The following PRKAA2 variants were observed in gnomAD, a reference collection of about 807,000 sequenced individuals.
PRKAA2 encodes protein kinase AMP-activated catalytic subunit alpha 2.
Under a neutral mutation model 56.3 loss-of-function variants are expected in PRKAA2, and 40 were observed. The observed-to-expected ratio is 0.71, with a 90% CI of 0.55 to 0.92. PRKAA2 has a LOEUF of 0.92. PRKAA2 is among the 40% of genes least tolerant of loss of function. The probability of loss-of-function intolerance (pLI) is 0.00; values close to 1 mark genes in which losing one functional copy is unlikely to be tolerated. For synonymous variants in PRKAA2, 214 were observed against 234.2 expected, an observed-to-expected ratio of 0.91 and a Z score of 0.79; for missense variants, 542 against 686.9, an observed-to-expected ratio of 0.79 and a Z score of 2.36.
chr1:56,708,926 A>G lies in PRKAA2; in HGVS notation c.*1213A>G, dbSNP rs534596185. On this transcript the variant is annotated 3_prime_UTR_variant, in exon 9 of 9. Transcript: ENST00000371244. The stretch of plus-strand genomic sequence containing the variant: ...TTCACACACCAGTGCTTTTAAGCAA[A>G]AACCAGTTTTTTTGTTTGTTTGTTT... The G allele has an allele frequency of 7.9e-5, 12 of 152,200 alleles. No individual in the cohort carries two copies. In the South Asian group the frequency reaches 2.5e-3, roughly 32 times the overall value. 9.4% of individuals were successfully genotyped at this position (152,200 alleles called of 1,614,324 possible). A position where few individuals can be genotyped will look rare whatever the true frequency, so the allele number is the denominator to read the frequency against.
chr1:56,652,801 G>A (rs182875822), intron 1 of PRKAA2, among the ~76,000 whole-genome samples: 2 of 152,324 alleles, frequency 1.3e-5, no homozygotes, highest in Admixed American at 1.3e-4. Context: ...TCTGCACCCT[G>A]TGTTAGAAAG....
intron 4 of PRKAA2, 97 bp downstream of exon 4, chr1:56,692,599 C>G (rs1027456586): frequency 8.8e-6 from 11 of 1,246,476 alleles, no homozygotes; most frequent in Middle Eastern, 2.0e-4. Flanking sequence ...CTTGTACGTT[C>G]TGTACCATGA....
chr1:56,661,974 A>T (rs1172535245), intron 1 of PRKAA2, among the ~76,000 whole-genome samples: 1 of 152,128 alleles, frequency 6.6e-6, no homozygotes, highest in African/African-American at 2.4e-5. Flanking sequence ...TTTTTAAAGT[A>T]ATCTTTAAAA....
At chr1:56,683,598 G>C (rs111876014) in intron 2 of PRKAA2, among the ~76,000 whole-genome samples, 2 of 152,238 alleles carry the variant, frequency 1.3e-5, no homozygotes, top group African/African-American at 4.8e-5. Context: ...TGCTATTATA[G>C]AGATTATATT....
rs1260709477 is a variant in PRKAA2 at position 56,712,529 on chromosome 1, G to C, written c.*4816G>C. On this transcript the variant is annotated 3_prime_UTR_variant, in exon 9 of 9. Transcript: ENST00000371244. ...AACATGATTCTTCTTATAATTTTAT[G>C]TGATTCTTATAGCACAATCATTTTT... The C allele has an allele frequency of 6.6e-6, 1 of 152,110 alleles. No individual in the cohort carries two copies. Among genetic ancestry groups the C allele is most frequent in the Admixed American group, 6.5e-5 (1 of 15,270 alleles). 9.4% of individuals were successfully genotyped at this position (152,110 alleles called of 1,614,324 possible).
chr1:56,676,316 A>G (rs1644112728), intron 2 of PRKAA2, among the ~76,000 whole-genome samples: 2 of 152,224 alleles, frequency 1.3e-5, no homozygotes, highest in South Asian at 4.1e-4. Context: ...AGAAGAGTAG[A>G]AGAAAAGAGT....
At chr1:56,683,028 T>G (rs1055022554) in intron 2 of PRKAA2, among the ~76,000 whole-genome samples, 2 of 149,456 alleles carry the variant, frequency 1.3e-5, no homozygotes, top group African/African-American at 4.9e-5. Context: ...GAGGGAGAAC[T>G]AATGTATTAC....
At chr1:56,672,855 CT>C (rs1315659029) in intron 1 of PRKAA2, among the ~76,000 whole-genome samples, 1 of 152,038 alleles carries the variant, frequency 6.6e-6, no homozygotes, top group African/African-American at 2.4e-5. Context: ...ATAAATGTAA[CT>C]ACTGTAACTA....
chr1:56,697,359 A>G (rs1038722185), intron 6 of PRKAA2, among the ~76,000 whole-genome samples: 1 of 151,948 alleles, frequency 6.6e-6, no homozygotes, highest in African/African-American at 2.4e-5. Context: ...TGACCTTTGG[A>G]ATATTTAAAT....
In PRKAA2 at chr1:56,707,589, T is replaced by A; in HGVS notation, c.1535T>A (p.Leu512His). 1 of 1,614,092 alleles carries A rather than the reference T, an allele frequency of 6.2e-7. No individual in the cohort carries two copies. The highest frequency in any genetic ancestry group is 8.5e-7 in the Non-Finnish European group (1 of 1,179,988). Residue 512 changes from leucine (L) to histidine (H), a missense_variant, in exon 9 of 9, where the codon CTT (leucine) becomes CAT (histidine). Leu to His is a moderately conservative substitution (Grantham distance 99). Around this residue, in one of 5 missense-constraint regions of PRKAA2, gnomAD observed 158 missense variants for 166.1 expected, o/e 0.95. Transcript: ENST00000371244. ...TCCACAACTGCAGAGAGCCATTCAC[T>A]TTCTGGCTCTCTCACTGGCTCTTTG... ...FDSTTAESHS[L>H]SGSLTGSLTG...
chr1:56,675,766 AC>A (rs1374419228), intron 2 of PRKAA2, among the ~76,000 whole-genome samples: 7 of 152,178 alleles, frequency 4.6e-5, no homozygotes, highest in Non-Finnish European at 7.3e-5. Context: ...ATACAAAAAA[AC>A]AATGGAATCA....
intron 2 of PRKAA2, among the ~76,000 whole-genome samples, chr1:56,675,496 A>G (rs753246713): frequency 3.0e-4 from 45 of 152,166 alleles, no homozygotes; most frequent in Non-Finnish European, 2.1e-4. Flanking sequence ...CCAAGGCCAC[A>G]CAGCTAGTAA....
chr1:56,691,871 G>A (rs2179761), intron 3 of PRKAA2, among the ~76,000 whole-genome samples: 20,386 of 151,910 alleles, frequency 0.13, 2,277 homozygotes, highest in African/African-American at 0.29. Context: ...TCTGCTTAGC[G>A]ACAAAGACAA....
Position 56,707,780 on chromosome 1 carries a change from A to T in PRKAA2, c.*67A>T. 7.2e-7 allele frequency: 1 copy of T among 1,379,556 alleles called. No homozygotes were observed. Among genetic ancestry groups the T allele is most frequent in the Non-Finnish European group, 1.0e-6 (1 of 993,508 alleles). 85.5% of individuals were successfully genotyped at this position (1,379,556 alleles called of 1,614,324 possible). On this transcript the variant is annotated 3_prime_UTR_variant, in exon 9 of 9. Coordinates refer to ENST00000371244, the MANE Select transcript of PRKAA2 (RefSeq NM_006252.4). ...GTTATATTCTTTAAATTTTTATCTT[A>T]CTTTTGGATAATATCCACTGCAATA...
At chr1:56,650,224 T>A (rs1343442856) in intron 1 of PRKAA2, among the ~76,000 whole-genome samples, 4 of 152,254 alleles carry the variant, frequency 2.6e-5, no homozygotes, top group Admixed American at 1.3e-4. Context: ...ATTTGTTTTT[T>A]AAAAGTATAT....
At chr1:56,662,444 T>G (rs1644002403) in intron 1 of PRKAA2, among the ~76,000 whole-genome samples, 1 of 151,986 alleles carries the variant, frequency 6.6e-6, no homozygotes, top group Non-Finnish European at 1.5e-5. Context: ...TAAATAGAGA[T>G]GATTTAAAAA....
chr1:56,692,485 C>T lies in PRKAA2; in HGVS notation c.458C>T (p.Ala153Val), dbSNP rs1422953446. 3 of 1,613,810 alleles carry T rather than the reference C, an allele frequency of 1.9e-6. No individual in the cohort carries two copies. Among genetic ancestry groups the T allele is most frequent in the African/African-American group, 2.7e-5 (2 of 74,976 alleles). Reference protein sequence around the residue: ...ENVLLDAHMNAKIADFGLSNM... With the variant: ...ENVLLDAHMNVKIADFGLSNM... Reference sequence around the variant, plus strand: ...GTCCTGTTGGATGCACACATGAATGCCAAGATAGCCGATTTCGGTATGTAA... The same window carrying T: ...GTCCTGTTGGATGCACACATGAATGTCAAGATAGCCGATTTCGGTATGTAA... The change falls in exon 4 of 9, where the codon GCC becomes GTC. Residue 153 changes from alanine (A) to valine (V), a missense_variant. Ala to Val is a moderately conservative substitution (Grantham distance 64). Transcript: ENST00000371244.
intron 2 of PRKAA2, among the ~76,000 whole-genome samples, chr1:56,679,823 G>A (rs955715124): frequency 1.6e-4 from 25 of 152,036 alleles, no homozygotes; most frequent in Admixed American, 1.6e-3. Context: ...GAGACAGCAA[G>A]ACCAACCCCT....
In PRKAA2 at chr1:56,703,989, A is replaced by G. The variant is rs1384337912; in HGVS notation, c.807A>G (p.Lys269=). 4.4e-6 allele frequency: 7 copies of G among 1,609,144 alleles called. No homozygotes were observed. The highest frequency in any genetic ancestry group is 5.9e-6 in the Non-Finnish European group (7 of 1,177,634). Residue 269 remains lysine (K), a synonymous_variant, in exon 7 of 9, where the codon AAA becomes AAG. Transcript: ENST00000371244. The part of the protein sequence containing the change: ...IKDIREHEWF[K]QDLPSYLFPE... ...TTCCTAGAGAGCATGAATGGTTTAA[A>G]CAAGATTTGCCCAGTTACTTATTTC...
Sources: allele counts gnomAD v4.1 joint callset (sites outside exome capture counted in the v4.1 genomes callset), GRCh38; gene constraint gnomAD v4.1.1; regional missense constraint gnomAD v4.1.1; transcripts MANE v1.5; gene names NCBI Gene and HGNC (gene_info 2026-07-23, HGNC 2026-07-21).